Variants in NXPH1 observed in about 807,000 individuals in gnomAD.
NXPH1 encodes neurexophilin-1.
A neutral mutation model predicts 23.7 loss-of-function variants in NXPH1; 5 were observed. The ratio of observed to expected loss-of-function variants is 0.21; its 90% CI spans 0.11 to 0.44. The LOEUF (loss-of-function observed/expected upper bound fraction) is 0.44, where lower values mean the gene tolerates loss of function less well. Ranked by LOEUF, NXPH1 falls within the 20% of genes least tolerant of loss-of-function variation. The pLI, the probability that NXPH1 is intolerant of heterozygous loss-of-function variation, is 0.99. For missense variants in NXPH1, 324 were observed against 321.6 expected, an observed-to-expected ratio of 1.01 and a Z score of -0.06; for synonymous variants, 144 against 122.2, an observed-to-expected ratio of 1.18 and a Z score of -1.18.
chr7:8,697,069 A>C (rs1321337001), intron 2 of NXPH1, among the ~76,000 whole-genome samples: 2 of 150,560 alleles, frequency 1.3e-5, no homozygotes, highest in Admixed American at 6.7e-5. Flanking sequence ...AAGGCAGGAG[A>C]ATCACTTGAG....
chr7:8,497,628 T>C (rs547857901), intron 2 of NXPH1, among the ~76,000 whole-genome samples: 8 of 152,334 alleles, frequency 5.3e-5, no homozygotes, highest in African/African-American at 1.9e-4. Context: ...ATGAGCATTT[T>C]TTCATGTGTC....
At chr7:8,566,306 C>G (rs1401463041) in intron 2 of NXPH1, among the ~76,000 whole-genome samples, 3 of 151,770 alleles carry the variant, frequency 2.0e-5, no homozygotes, top group Non-Finnish European at 4.4e-5. Context: ...CAAAATTAAA[C>G]CTGTTGTTTA....
At chr7:8,732,004 A>C (rs1168059117) in intron 2 of NXPH1, among the ~76,000 whole-genome samples, 1 of 152,210 alleles carries the variant, frequency 6.6e-6, no homozygotes, top group Non-Finnish European at 1.5e-5. Flanking sequence ...CTCCGCGGGC[A>C]TAGGACCCTC....
chr7:8,586,152 T>C (rs1371789410), intron 2 of NXPH1, among the ~76,000 whole-genome samples: 2 of 152,116 alleles, frequency 1.3e-5, no homozygotes, highest in African/African-American at 4.8e-5. Flanking sequence ...ATGGAATCAA[T>C]TGACTAAATC....
chr7:8,710,636 T>C (rs557326500), intron 2 of NXPH1, among the ~76,000 whole-genome samples: 1 of 139,548 alleles, frequency 7.2e-6, no homozygotes, highest in East Asian at 2.1e-4. Context: ...ATGTCAACTG[T>C]TACGTTTTTT....
intron 2 of NXPH1, among the ~76,000 whole-genome samples, chr7:8,582,842 A>G (rs1197416343): frequency 6.6e-6 from 1 of 152,030 alleles, no homozygotes; most frequent in Non-Finnish European, 1.5e-5. Context: ...CTAGGGACCC[A>G]CCCCTTTCCA....
Position 8,508,866 on chromosome 7 carries a change from C to G in NXPH1, c.54+73099C>G, listed in dbSNP as rs184527782. On this transcript the variant is annotated intron_variant, in intron 2 of 2. Transcript: ENST00000405863. ...TAAAAGGAAAGATATCAGTCTGAGA[C>G]TATTAATTTTATGCCTATGGTCATT... Among the ~76,000 whole-genome samples the G allele has an allele frequency of 6.6e-5, 10 of 152,090 alleles. No individual in the cohort carries two copies. In the East Asian group the frequency reaches 1.7e-3, roughly 27 times the overall value.
At chr7:8,678,397 A>G (rs1019314086) in intron 2 of NXPH1, among the ~76,000 whole-genome samples, 3 of 152,086 alleles carry the variant, frequency 2.0e-5, no homozygotes, top group African/African-American at 7.2e-5. Flanking sequence ...TCTCTTATGT[A>G]CCCTTTCCCC....
At chr7:8,632,732 G>T (rs1820155052) in intron 2 of NXPH1, among the ~76,000 whole-genome samples, 1 of 152,152 alleles carries the variant, frequency 6.6e-6, no homozygotes, top group Non-Finnish European at 1.5e-5. Context: ...CCTCCCATGA[G>T]AATTTCCGTG....
intron 2 of NXPH1, among the ~76,000 whole-genome samples, chr7:8,655,436 CTCTCTCTCTCTCTA>C (rs1264626651): frequency 1.4e-5 from 2 of 144,044 alleles, no homozygotes; most frequent in Admixed American, 1.4e-4. Flanking sequence ...CTCTCTCTCT[CTCTCTCTCTCTCTA>C]TACACACACA....
At chr7:8,586,939 T>C (rs1818992128) in intron 2 of NXPH1, among the ~76,000 whole-genome samples, 2 of 152,156 alleles carry the variant, frequency 1.3e-5, no homozygotes, top group Non-Finnish European at 2.9e-5. Flanking sequence ...ATTAGGTAAA[T>C]ATTCCAGGCA....
chr7:8,666,307 T>C (rs140041698), intron 2 of NXPH1, among the ~76,000 whole-genome samples: 191 of 152,206 alleles, frequency 1.3e-3, no homozygotes, highest in African/African-American at 4.4e-3. Context: ...GATCATATGG[T>C]TTTTGTCTTT....
chr7:8,713,742 A>T (rs1779832615), intron 2 of NXPH1, among the ~76,000 whole-genome samples: 1 of 152,162 alleles, frequency 6.6e-6, no homozygotes, highest in Non-Finnish European at 1.5e-5. Context: ...GTGGTCTTGG[A>T]TAAGATCCAG....
chr7:8,707,066 T>C (rs2115193493), intron 2 of NXPH1, among the ~76,000 whole-genome samples: 1 of 152,236 alleles, frequency 6.6e-6, no homozygotes, highest in Admixed American at 6.5e-5. Flanking sequence ...AACAAAAATA[T>C]TTTAATATGT....
chr7:8,478,718 A>G (rs1011560273), intron 2 of NXPH1, among the ~76,000 whole-genome samples: 3 of 152,150 alleles, frequency 2.0e-5, no homozygotes, highest in African/African-American at 7.2e-5. Flanking sequence ...TTGATACAAA[A>G]GGAAACAAAG....
At chr7:8,727,164 G>T (rs1211793463) in intron 2 of NXPH1, among the ~76,000 whole-genome samples, 2 of 134,034 alleles carry the variant, frequency 1.5e-5, no homozygotes, top group Non-Finnish European at 3.1e-5. Flanking sequence ...CATGTCCTTC[G>T]CCCACTTTTT....
At chr7:8,515,223 C>G (rs1817669109) in intron 2 of NXPH1, among the ~76,000 whole-genome samples, 1 of 152,040 alleles carries the variant, frequency 6.6e-6, no homozygotes, top group African/African-American at 2.4e-5. Flanking sequence ...GTCTGCATTT[C>G]TGGGCAGATG....
intron 2 of NXPH1, among the ~76,000 whole-genome samples, chr7:8,722,596 T>A (rs1779986831): frequency 6.6e-6 from 1 of 152,242 alleles, no homozygotes; most frequent in South Asian, 2.1e-4. Flanking sequence ...CTAGTATCTC[T>A]TCCTTTCACA....
At chr7:8,552,476 G>T (rs1475332512) in intron 2 of NXPH1, among the ~76,000 whole-genome samples, 2 of 151,366 alleles carry the variant, frequency 1.3e-5, no homozygotes, top group Non-Finnish European at 3.0e-5. Flanking sequence ...CAGATGTCAA[G>T]GTGAAAGAAA....
Sources: allele counts gnomAD v4.1 joint callset (sites outside exome capture counted in the v4.1 genomes callset), GRCh38; gene constraint gnomAD v4.1.1; transcripts MANE v1.5; gene names NCBI Gene and HGNC (gene_info 2026-07-23, HGNC 2026-07-21).